SLC16A10: variants seen among roughly 807,000 people sequenced by gnomAD.
SLC16A10 encodes solute carrier family 16 member 10, also known as monocarboxylate transporter 10.
SLC16A10 carries 27 observed loss-of-function variants against 40.0 expected under a neutral mutation model. That is an observed-to-expected ratio of 0.67 (90% CI 0.50 to 0.93). SLC16A10 has a LOEUF of 0.93. SLC16A10 is among the 40% of genes least tolerant of loss of function. The pLI, the probability that SLC16A10 is intolerant of heterozygous loss-of-function variation, is 0.00. For missense variants in SLC16A10, 529 were observed against 658.2 expected, an observed-to-expected ratio of 0.80 and a Z score of 2.15; for synonymous variants, 213 against 249.8, an observed-to-expected ratio of 0.85 and a Z score of 1.39.
intron 2 of SLC16A10, among the ~76,000 whole-genome samples, chr6:111,176,419 T>C (rs1772685309): frequency 1.3e-5 from 2 of 152,244 alleles, no homozygotes; most frequent in African/African-American, 2.4e-5. Context: ...CATAATGATA[T>C]GATCCTTTAT....
At chr6:111,088,578 AAG>A (rs1770914355) in intron 1 of SLC16A10, among the ~76,000 whole-genome samples, 1 of 152,006 alleles carries the variant, frequency 6.6e-6, no homozygotes, top group Admixed American at 6.6e-5. Flanking sequence ...GGAGGAATGA[AAG>A]AGATTTGTAC....
At chr6:111,112,578 G>A (rs979944149) in intron 1 of SLC16A10, among the ~76,000 whole-genome samples, 6 of 152,122 alleles carry the variant, frequency 3.9e-5, no homozygotes, top group South Asian at 2.1e-4. Flanking sequence ...AAAGTCCTTC[G>A]CTGCAAGAAG....
rs532336429 is a variant in SLC16A10, at chr6:111,145,473, A to G, written c.344-27222A>G. Among the ~76,000 whole-genome samples, 126 of 152,372 alleles carry G rather than the reference A, an allele frequency of 8.3e-4. 2 individuals are homozygous for G. The South Asian group carries it at 0.026, about 31-fold the overall frequency. ...TTAAGATAAAAAGCAAGCCAAGACA[A>G]TTAAGTGGGGGAAGAATAGTTTTTC... On this transcript the variant is annotated intron_variant, in intron 1 of 5. Transcript: ENST00000368851.
intron 1 of SLC16A10, among the ~76,000 whole-genome samples, chr6:111,164,262 C>G (rs944654413): frequency 6.6e-6 from 1 of 152,232 alleles, no homozygotes; most frequent in Non-Finnish European, 1.5e-5. Flanking sequence ...TTTCCTTACA[C>G]ACCTTGATGT....
chr6:111,174,020 G>A (rs1772634009), intron 2 of SLC16A10, among the ~76,000 whole-genome samples: 1 of 152,146 alleles, frequency 6.6e-6, no homozygotes, highest in African/African-American at 2.4e-5. Flanking sequence ...AGGAACGGAT[G>A]GGCACATAAC....
At chr6:111,162,960 G>A (rs1772397234) in intron 1 of SLC16A10, among the ~76,000 whole-genome samples, 1 of 151,792 alleles carries the variant, frequency 6.6e-6, no homozygotes, top group Admixed American at 6.6e-5. Context: ...AATCTCCAAA[G>A]TTATCAGAAA....
chr6:111,118,718 T>A (rs904056074), intron 1 of SLC16A10, among the ~76,000 whole-genome samples: 4 of 151,244 alleles, frequency 2.6e-5, no homozygotes, highest in Non-Finnish European at 4.4e-5. Context: ...TATCTCAGGT[T>A]TTATATGGCA....
intron 4 of SLC16A10, among the ~76,000 whole-genome samples, chr6:111,207,639 C>T (rs1368357117): frequency 6.6e-6 from 1 of 152,136 alleles, no homozygotes; most frequent in Non-Finnish European, 1.5e-5. Flanking sequence ...AACACAGGCA[C>T]CATGCATCTG....
intron 3 of SLC16A10, among the ~76,000 whole-genome samples, chr6:111,206,279 G>A (rs569904484): frequency 1.3e-5 from 2 of 152,140 alleles, no homozygotes; most frequent in African/African-American, 2.4e-5. Flanking sequence ...GTTTCACCAC[G>A]TTGGCCAGGC....
intron 3 of SLC16A10, among the ~76,000 whole-genome samples, chr6:111,191,309 G>A (rs1009852663): frequency 3.3e-5 from 5 of 152,094 alleles, no homozygotes; most frequent in African/African-American, 4.8e-5. Flanking sequence ...TGAGAATGAT[G>A]GTTTCCAGCT....
At chr6:111,153,560 TAA>T (rs1772212757) in intron 1 of SLC16A10, among the ~76,000 whole-genome samples, 1 of 151,826 alleles carries the variant, frequency 6.6e-6, no homozygotes, top group East Asian at 1.9e-4. Context: ...ATTAAAACAA[TAA>T]AAGCAGTGTG....
At chr6:111,182,434 C>G (rs1426092759) in intron 3 of SLC16A10, among the ~76,000 whole-genome samples, 1 of 146,318 alleles carries the variant, frequency 6.8e-6, no homozygotes, top group Non-Finnish European at 1.5e-5. Context: ...AGTTTCTTTG[C>G]TCACTTCTTC....
At chr6:111,133,006 A>G (rs376957941) in intron 1 of SLC16A10, among the ~76,000 whole-genome samples, 39 of 152,224 alleles carry the variant, frequency 2.6e-4, no homozygotes, top group Non-Finnish European at 5.3e-4. Context: ...CCTCTCTGAA[A>G]TGAATTTGCA....
intron 1 of SLC16A10, among the ~76,000 whole-genome samples, chr6:111,126,925 TTAA>T (rs1198160678): frequency 6.6e-6 from 1 of 152,198 alleles, no homozygotes; most frequent in African/African-American, 2.4e-5. Context: ...GTTGGGTAGC[TTAA>T]ATGAGATAAT....
chr6:111,118,632 G>T (rs1771530181), intron 1 of SLC16A10, among the ~76,000 whole-genome samples: 1 of 135,726 alleles, frequency 7.4e-6, no homozygotes, highest in African/African-American at 2.8e-5. Flanking sequence ...AGTGAGCCAA[G>T]ATCGCACCAC....
intron 1 of SLC16A10, among the ~76,000 whole-genome samples, chr6:111,148,698 C>CA (rs1362754426): frequency 6.6e-6 from 1 of 152,226 alleles, no homozygotes; most frequent in Non-Finnish European, 1.5e-5. Context: ...TAACAGTGAA[C>CA]AATGTATGCT....
intron 1 of SLC16A10, among the ~76,000 whole-genome samples, chr6:111,097,534 G>A (rs911889279): frequency 1.1e-4 from 16 of 151,586 alleles, no homozygotes; most frequent in Non-Finnish European, 2.1e-4. Flanking sequence ...GGCTGGTCTC[G>A]AACTCCTAAT....
chr6:111,123,894 C>T (rs1229397051), intron 1 of SLC16A10, among the ~76,000 whole-genome samples: 1 of 152,148 alleles, frequency 6.6e-6, no homozygotes, highest in Non-Finnish European at 1.5e-5. Context: ...TGGCTTTAAT[C>T]CTCTCCCCTC....
At chr6:111,122,444 C>T (rs994796603) in intron 1 of SLC16A10, among the ~76,000 whole-genome samples, 4 of 152,150 alleles carry the variant, frequency 2.6e-5, no homozygotes, top group Non-Finnish European at 1.5e-5. Context: ...ACTTTAATGA[C>T]CCACTAGTGC....
Sources: gnomAD v4.1 joint callset for allele counts (sites outside exome capture counted in the v4.1 genomes callset) on GRCh38, gnomAD v4.1.1 for gene constraint, MANE v1.5 for transcripts, NCBI Gene and HGNC (gene_info 2026-07-23, HGNC 2026-07-21) for gene names.